Variants in CHADL observed in about 807,000 individuals in gnomAD.
CHADL encodes chondroadherin-like protein.
A neutral mutation model predicts 52.1 loss-of-function variants in CHADL; 48 were observed. That is an observed-to-expected ratio of 0.92 (90% CI 0.73 to 1.17). The LOEUF (loss-of-function observed/expected upper bound fraction) is 1.17, where lower values mean the gene tolerates loss of function less well. Ranked by LOEUF, CHADL falls within the 50% of genes most tolerant of loss-of-function variation. The probability of loss-of-function intolerance (pLI) is 0.00; values close to 1 mark genes in which losing one functional copy is unlikely to be tolerated. For missense variants in CHADL, 977 were observed against 1,035.1 expected (o/e 0.94, Z 0.77); for synonymous variants, 498 against 511.2 (o/e 0.97, Z 0.35).
rs1311243082 is a variant in CHADL, at chr22:41,236,554, T to G, written c.1993A>C (p.Ser665Arg). The G allele has an allele frequency of 6.4e-7, 1 of 1,551,440 alleles. No homozygotes were observed. Among genetic ancestry groups the G allele is most frequent in the East Asian group, 2.4e-5 (1 of 40,918 alleles). The change falls in exon 4 of 6, where the codon AGC becomes CGC. Residue 665 changes from serine to arginine, a missense_variant. Physicochemically the swap from Ser to Arg is moderately radical, Grantham distance 110. Coordinates refer to ENST00000216241, the MANE Select transcript of CHADL (RefSeq NM_138481.2). Reference sequence around the variant, plus strand: ...CTGAGGTCGATGAGCTCCAGCTGGCTGAGACTGGGCAGGGCAGGCAGGGCC... The same window carrying G: ...CTGAGGTCGATGAGCTCCAGCTGGCGGAGACTGGGCAGGGCAGGCAGGGCC... ...LRALPALPSL[S>R]QLELIDLSSN...
chr22:41,238,220 G>T lies in CHADL; in HGVS notation c.852C>A (p.Asp284Glu), dbSNP rs530532767. 1 of 1,527,528 alleles carries T rather than the reference G, an allele frequency of 6.5e-7. No individual in the cohort carries two copies. Among genetic ancestry groups the T allele is most frequent in the African/African-American group, 1.4e-5 (1 of 71,826 alleles). 94.6% of individuals were successfully genotyped at this position (1,527,528 alleles called of 1,614,324 possible). A position where few individuals can be genotyped will look rare whatever the true frequency, so the allele number is the denominator to read the frequency against. ...GGGTGTCTAGCTGGTTCCCGCGGAG[G>T]TCGAGGGTGTGCAGGCGCGGACAGT... is the stretch of plus-strand genomic sequence containing the variant. ...FAHCPRLHTL[D>E]LRGNQLDTLP... The change falls in exon 3 of 6, where the codon GAC (aspartate) becomes GAA (glutamate). Residue 284 changes from aspartate to glutamate, a missense_variant. Coordinates refer to ENST00000216241, the MANE Select transcript of CHADL (RefSeq NM_138481.2). The surrounding 1 kb of genome is among the most constrained non-coding windows in gnomAD (Gnocchi z 4.9).
In CHADL at chr22:41,229,578, C is replaced by A. The variant is rs565620653; in HGVS notation, c.*126G>T. The A allele has an allele frequency of 6.2e-7, 1 of 1,613,392 alleles. No individual in the cohort carries two copies. The highest frequency in any genetic ancestry group is 1.7e-5 in the Admixed American group (1 of 60,018). Reference sequence around the variant, plus strand: ...GCCCACTAAGACGCGACCCCTCAGACAGGGGTCCAAGAAGCCCCTGCTGGA... The same window carrying A: ...GCCCACTAAGACGCGACCCCTCAGAAAGGGGTCCAAGAAGCCCCTGCTGGA... On this transcript the variant is annotated 3_prime_UTR_variant, in exon 6 of 6. Transcript: ENST00000216241.
Position 41,238,238 on chromosome 22 carries a change from C to T in CHADL, c.834G>A (p.Pro278=). The change falls in exon 3 of 6, where the codon CCG becomes CCA. Residue 278 remains proline, a synonymous_variant. Transcript: ENST00000216241. This position sits in a 1 kb window ranked among gnomAD's most constrained non-coding sequence, Gnocchi z 4.9. ...ALGPRAFAHC[P]RLHTLDLRGN... ...CGCGGAGGTCGAGGGTGTGCAGGCG[C>T]GGACAGTGTGCGAAGGCCCTGGGAC... is the stretch of plus-strand genomic sequence containing the variant. 2 of 1,530,282 alleles carry T rather than the reference C, an allele frequency of 1.3e-6. No individual in the cohort carries two copies. Among genetic ancestry groups the T allele is most frequent in the South Asian group, 1.2e-5 (1 of 83,658 alleles). 94.8% of individuals were successfully genotyped at this position (1,530,282 alleles called of 1,614,324 possible). A position where few individuals can be genotyped will look rare whatever the true frequency, so the allele number is the denominator to read the frequency against.
rs866450546 is a variant in CHADL, at chr22:41,236,658, G to A, written c.1897-8C>T. The A allele has an allele frequency of 6.5e-7, 1 of 1,545,394 alleles. No individual in the cohort carries two copies. The highest frequency in any genetic ancestry group is 2.4e-5 in the East Asian group (1 of 40,902). The stretch of plus-strand genomic sequence containing the variant: ...AAAGGCCCCAGGACAAATCTGCAAG[G>A]AGTTGCCAGGCCCCAATGTGAGCTC... On this transcript the variant is annotated splice_polypyrimidine_tract_variant and splice_region_variant and intron_variant, in intron 3 of 5. Transcript: ENST00000216241.
In CHADL at chr22:41,238,949, T is replaced by G. The variant is rs1451461309; in HGVS notation, c.187-64A>C. 7.5e-6 allele frequency: 11 copies of G among 1,465,242 alleles called. No individual in the cohort carries two copies. Among genetic ancestry groups the G allele is most frequent in the Non-Finnish European group, 9.1e-6 (10 of 1,104,538 alleles). The allele number at this position is 1,465,242 out of a possible 1,614,324, so 90.8% of individuals were successfully genotyped here. On this transcript the variant is annotated intron_variant, in intron 2 of 5. Transcript: ENST00000216241. The surrounding 1 kb of genome is among the most constrained non-coding windows in gnomAD (Gnocchi z 4.9). ...GGGACCCCGCCTTTGCAAGTGCTGC[T>G]TCTTCCCCGGAACACTCTTTTCTCC...
In CHADL at chr22:41,237,914, G is replaced by A; in HGVS notation, c.1158C>T (p.Gly386=). The A allele has an allele frequency of 2.3e-6, 3 of 1,296,186 alleles. No homozygotes were observed. Among genetic ancestry groups the A allele is most frequent in the Middle Eastern group, 2.9e-4 (1 of 3,426 alleles). 80.3% of individuals were successfully genotyped at this position (1,296,186 alleles called of 1,614,324 possible). ...PRAPPRGPPR[G]PGEERAVAPC... is the part of the protein sequence containing the mutation. ...GCGCGACTGCCCGCTCCTCCCCGGGGCCGCGCGGAGGGCCGCGCGGAGGGG... is the reference window on the plus strand; with the variant it reads ...GCGCGACTGCCCGCTCCTCCCCGGGACCGCGCGGAGGGCCGCGCGGAGGGG... The change falls in exon 3 of 6, where the codon GGC becomes GGT. Residue 386 remains glycine (G), a synonymous_variant. Transcript: ENST00000216241.
intron 5 of CHADL, chr22:41,230,509 A>G: frequency 2.1e-6 from 1 of 471,946 alleles, no homozygotes; most frequent in Non-Finnish European, 3.8e-6. Context: ...CACCTTTTCC[A>G]GCCAGAGTTC....
chr22:41,238,534 C>A lies in CHADL; in HGVS notation c.538G>T (p.Gly180Trp). ...LVYLPAMAFQ[G>W]LLRVRWLRLS... is the part of the protein sequence containing the mutation. ...CGCAGCCAGCGGACGCGCAGTAGCCCCTGGAAGGCCATGGCGGGCAGGTAA... is the reference window on the plus strand; with the variant it reads ...CGCAGCCAGCGGACGCGCAGTAGCCACTGGAAGGCCATGGCGGGCAGGTAA... The change falls in exon 3 of 6, where the codon GGG becomes TGG. Residue 180 changes from glycine (G) to tryptophan (W), a missense_variant. Transcript: ENST00000216241. The surrounding 1 kb of genome is among the most constrained non-coding windows in gnomAD (Gnocchi z 4.9). The A allele has an allele frequency of 6.5e-7, 1 of 1,545,210 alleles. No individual in the cohort carries two copies. The highest frequency in any genetic ancestry group is 8.7e-7 in the Non-Finnish European group (1 of 1,146,016).
At chr22:41,230,079 G>GGGCCC in intron 5 of CHADL, 3 of 532,748 alleles carry the variant, frequency 5.6e-6, no homozygotes, top group Non-Finnish European at 5.9e-6. Context: ...CAGCTCCTCC[G>GGGCCC]CCCCCACCCC....
rs557341654 is a variant in CHADL at position 41,240,913 on chromosome 22, C to T, written c.-32G>A. On this transcript the variant is annotated 5_prime_UTR_variant, in exon 1 of 6. Transcript: ENST00000216241. ...TGGAACTGCTGGTCCAGCCTGGAGG[C>T]GCAGCGCAGGGACAGGCTGTCCCCG... The T allele has an allele frequency of 7.8e-6, 12 of 1,547,024 alleles. No homozygotes were observed. The highest frequency in any genetic ancestry group is 6.0e-5 in the South Asian group (5 of 83,610).
chr22:41,229,684 A>G lies in CHADL; in HGVS notation c.*20T>C, dbSNP rs756379110. 8.1e-6 allele frequency: 13 copies of G among 1,612,820 alleles called. No homozygotes were observed. In the African/African-American group the frequency reaches 1.5e-4, roughly 18 times the overall value. On this transcript the variant is annotated 3_prime_UTR_variant, in exon 6 of 6. Coordinates refer to ENST00000216241, the MANE Select transcript of CHADL (RefSeq NM_138481.2). Reference sequence around the variant, plus strand: ...AAGAGCCACCGGGCTGGGTCAAGGCAGGACCAGCCTGCTCCGTGCTCAGAG... The same window carrying G: ...AAGAGCCACCGGGCTGGGTCAAGGCGGGACCAGCCTGCTCCGTGCTCAGAG...
chr22:41,236,068 C>T (rs753505820), intron 4 of CHADL, among the ~76,000 whole-genome samples: 4 of 152,176 alleles, frequency 2.6e-5, no homozygotes, highest in South Asian at 2.1e-4. Context: ...GGCAGAGTTT[C>T]ACCATGCTGG....
chr22:41,236,103 C>A (rs1409824036), intron 4 of CHADL, among the ~76,000 whole-genome samples: 5 of 152,188 alleles, frequency 3.3e-5, no homozygotes, highest in African/African-American at 4.8e-5. Flanking sequence ...AACTCCTGAC[C>A]TCAGGTGATC....
rs1331786046 is a variant in CHADL at position 41,238,309 on chromosome 22, C to T, written c.763G>A (p.Gly255Ser). Residue 255 changes from glycine to serine, a missense_variant, in exon 3 of 6, where the codon GGC (glycine) becomes AGC (serine). By Grantham distance (56) the Gly-to-Ser change is moderately conservative (BLOSUM62 0). Transcript: ENST00000216241. The surrounding 1 kb of genome is among the most constrained non-coding windows in gnomAD (Gnocchi z 4.9). Reference sequence around the variant, plus strand: ...CCGTCCAGCAGCAGCTCCCGCAGGCCGGGCAGCGCCAGCCCGTCCTCCTCG... The same window carrying T: ...CCGTCCAGCAGCAGCTCCCGCAGGCTGGGCAGCGCCAGCCCGTCCTCCTCG... Reference protein sequence around the residue: ...AGEEDGLALPGLRELLLDGGA... With the variant: ...AGEEDGLALPSLRELLLDGGA... 6 of 1,527,286 alleles carry T rather than the reference C, an allele frequency of 3.9e-6. No homozygotes were observed. The African/African-American group carries it at 4.2e-5, about 11-fold the overall frequency. 94.6% of individuals were successfully genotyped at this position (1,527,286 alleles called of 1,614,324 possible). A position where few individuals can be genotyped will look rare whatever the true frequency, so the allele number is the denominator to read the frequency against.
intron 3 of CHADL, among the ~76,000 whole-genome samples, 176 bp downstream of exon 3, chr22:41,237,000 G>A (rs1055182964): frequency 1.3e-5 from 2 of 152,218 alleles, no homozygotes; most frequent in Non-Finnish European, 2.9e-5. Flanking sequence ...TGTGGCCTGG[G>A]TTCTGCCCGG....
Position 41,238,117 on chromosome 22 carries a change from G to T in CHADL, c.955C>A (p.Arg319=). Reference sequence around the variant, plus strand: ...CGCGCCAGCCACTCGAGTAGGGGCCGCGCCTGGCAGCCGCACCACAGCGGA... The same window carrying T: ...CGCGCCAGCCACTCGAGTAGGGGCCTCGCCTGGCAGCCGCACCACAGCGGA... ...GNPLWCGCQA[R]PLLEWLARAR... is the part of the protein sequence containing the mutation. The change falls in exon 3 of 6, where the codon CGG becomes AGG. Residue 319 remains arginine (R), a synonymous_variant. Coordinates refer to ENST00000216241, the MANE Select transcript of CHADL (RefSeq NM_138481.2). This position sits in a 1 kb window ranked among gnomAD's most constrained non-coding sequence, Gnocchi z 4.9. The T allele has an allele frequency of 7.5e-7, 1 of 1,341,214 alleles. No homozygotes were observed. Among genetic ancestry groups the T allele is most frequent in the South Asian group, 2.0e-5 (1 of 50,806 alleles). 83.1% of individuals were successfully genotyped at this position (1,341,214 alleles called of 1,614,324 possible).
chr22:41,230,540 G>T, intron 5 of CHADL: 1 of 420,376 alleles, frequency 2.4e-6, no homozygotes, highest in Non-Finnish European at 4.3e-6. Flanking sequence ...AACGCTAGCT[G>T]CCTGCTCTTC....
chr22:41,232,280 C>T (rs1344264954), intron 5 of CHADL, among the ~76,000 whole-genome samples: 1 of 151,024 alleles, frequency 6.6e-6, no homozygotes, highest in Non-Finnish European at 1.5e-5. Flanking sequence ...GGCAATGAGC[C>T]GAGATTGCAC....
In CHADL at chr22:41,238,815, G is replaced by C; in HGVS notation, c.257C>G (p.Pro86Arg). Reference protein sequence around the residue: ...VIPAAAFQGVPHLTHLDLRHC... With the variant: ...VIPAAAFQGVRHLTHLDLRHC... ...GCGCAGGTCCAGGTGTGTGAGGTGAGGCACGCCCTGGAAGGCGGCTGCGGG... is the reference window on the plus strand; with the variant it reads ...GCGCAGGTCCAGGTGTGTGAGGTGACGCACGCCCTGGAAGGCGGCTGCGGG... The change falls in exon 3 of 6, where the codon CCT becomes CGT. Residue 86 changes from proline (P) to arginine (R), a missense_variant. Coordinates refer to ENST00000216241, the MANE Select transcript of CHADL (RefSeq NM_138481.2). This position sits in a 1 kb window ranked among gnomAD's most constrained non-coding sequence, Gnocchi z 4.9. The C allele has an allele frequency of 6.5e-7, 1 of 1,549,108 alleles. No individual in the cohort carries two copies. Among genetic ancestry groups the C allele is most frequent in the Non-Finnish European group, 8.7e-7 (1 of 1,146,238 alleles).
Sources: gnomAD v4.1 joint callset for allele counts (sites outside exome capture counted in the v4.1 genomes callset) on GRCh38, gnomAD v4.1.1 for gene constraint, Gnocchi (gnomAD v3.1) non-coding constraint, MANE v1.5 for transcripts, NCBI Gene and HGNC (gene_info 2026-07-23, HGNC 2026-07-21) for gene names.